Variants in KDM2A observed in about 807,000 individuals in gnomAD.
The protein encoded by KDM2A is lysine-specific demethylase 2A.
Under a neutral mutation model 137.3 loss-of-function variants are expected in KDM2A, and 3 were observed. The observed-to-expected ratio is 0.02, with a 90% CI of 0.01 to 0.06. The LOEUF (loss-of-function observed/expected upper bound fraction) is 0.06, where lower values mean the gene tolerates loss of function less well. Ranked by LOEUF, KDM2A falls within the 10% of genes least tolerant of loss-of-function variation. The probability of loss-of-function intolerance (pLI) is 1.00; values close to 1 mark genes in which losing one functional copy is unlikely to be tolerated. For synonymous variants in KDM2A, 512 were observed against 541.5 expected (o/e 0.95, Z 0.76); for missense variants, 738 against 1,510.6 (o/e 0.49, Z 8.48).
chr11:67,164,696 C>T (rs1459351772), intron 2 of KDM2A, among the ~76,000 whole-genome samples: 6 of 151,920 alleles, frequency 3.9e-5, no homozygotes, highest in African/African-American at 1.2e-4. Context: ...TCTCGGCTCA[C>T]GGCAACCTCC....
Position 67,250,875 on chromosome 11 carries a change from A to G in KDM2A, c.2768+77A>G, listed in dbSNP as rs951970625. 48 of 1,108,008 alleles carry G rather than the reference A, an allele frequency of 4.3e-5. No individual in the cohort carries two copies. In the East Asian group the frequency reaches 8.6e-4, roughly 20 times the overall value. The allele number at this position is 1,108,008 out of a possible 1,614,324, so 68.6% of individuals were successfully genotyped here. A position where few individuals can be genotyped will look rare whatever the true frequency, so the allele number is the denominator to read the frequency against. ...GGTTTTCCATATGAGAACAGCATGC[A>G]CCTTGGCATCTGAAAGCCTGTGGGG... is the stretch of plus-strand genomic sequence containing the variant. On this transcript the variant is annotated intron_variant, in intron 17 of 20. Transcript: ENST00000529006. The surrounding 1 kb of genome is among the most constrained non-coding windows in gnomAD (Gnocchi z 7.1).
At chr11:67,218,327 C>G (rs1858232448) in intron 9 of KDM2A, among the ~76,000 whole-genome samples, 1 of 152,148 alleles carries the variant, frequency 6.6e-6, no homozygotes. Flanking sequence ...GAGTCACAGA[C>G]CTCTATTAGG....
chr11:67,133,226 G>A (rs1327160755), intron 2 of KDM2A, among the ~76,000 whole-genome samples: 3 of 151,906 alleles, frequency 2.0e-5, no homozygotes, highest in African/African-American at 4.8e-5. Context: ...CAGCCTCCCA[G>A]GTAGCTGGGA....
At chr11:67,186,624 A>G (rs1264727184) in intron 5 of KDM2A, among the ~76,000 whole-genome samples, 2 of 152,246 alleles carry the variant, frequency 1.3e-5, no homozygotes, top group African/African-American at 4.8e-5. Flanking sequence ...TATCTTAACA[A>G]TGGCTTTTAA....
chr11:67,122,149 G>A (rs938508138), intron 2 of KDM2A, among the ~76,000 whole-genome samples: 1 of 152,142 alleles, frequency 6.6e-6, no homozygotes, highest in African/African-American at 2.4e-5. Context: ...TGAGGAAAGC[G>A]ACAGAATTGT....
rs61889550 is a variant in KDM2A at position 67,245,881 on chromosome 11, G to A, written c.1834-104G>A. The A allele has an allele frequency of 1.5e-6, 2 of 1,359,990 alleles. No individual in the cohort carries two copies. Among genetic ancestry groups the A allele is most frequent in the Admixed American group, 2.1e-5 (1 of 48,076 alleles). The allele number at this position is 1,359,990 out of a possible 1,614,324, so 84.2% of individuals were successfully genotyped here. A position where few individuals can be genotyped will look rare whatever the true frequency, so the allele number is the denominator to read the frequency against. On this transcript the variant is annotated intron_variant, in intron 14 of 20. Transcript: ENST00000529006. This position sits in a 1 kb window ranked among gnomAD's most constrained non-coding sequence, Gnocchi z 4.1. ...CTGCCTCCATGCTTCCAGGTGTTTA[G>A]TAGAGAATTATAGGACCCAAATCTC...
In KDM2A at chr11:67,217,754, A is replaced by G. The variant is rs753835308; in HGVS notation, c.711A>G (p.Thr237=). Residue 237 remains threonine (T), a synonymous_variant, in exon 9 of 21, where the codon ACA becomes ACG. Coordinates refer to ENST00000529006, the MANE Select transcript of KDM2A (RefSeq NM_012308.3). The part of the protein sequence containing the change: ...GGKVFWLIPP[T]AHNLELYENW... Reference sequence around the variant, plus strand: ...AGGTCTTCTGGCTCATCCCCCCTACAGCCCACAACCTGGAGCTGTACGAGA... The same window carrying G: ...AGGTCTTCTGGCTCATCCCCCCTACGGCCCACAACCTGGAGCTGTACGAGA... The G allele has an allele frequency of 6.2e-7, 1 of 1,613,720 alleles. No individual in the cohort carries two copies. The highest frequency in any genetic ancestry group is 1.7e-5 in the Admixed American group (1 of 59,950).
At chr11:67,126,733 T>C (rs1242011615) in intron 2 of KDM2A, among the ~76,000 whole-genome samples, 2 of 151,952 alleles carry the variant, frequency 1.3e-5, no homozygotes, top group Non-Finnish European at 2.9e-5. Context: ...AAAAGTATTT[T>C]TTGCCAAGCT....
intron 17 of KDM2A, among the ~76,000 whole-genome samples, chr11:67,251,514 C>T (rs566164684): frequency 1.3e-5 from 2 of 152,318 alleles, no homozygotes; most frequent in African/African-American, 4.8e-5. Context: ...TAGGATATAT[C>T]CTTTTTATCT....
intron 5 of KDM2A, among the ~76,000 whole-genome samples, chr11:67,187,249 A>G (rs952130587): frequency 3.3e-5 from 5 of 152,224 alleles, no homozygotes; most frequent in Admixed American, 1.3e-4. Flanking sequence ...TGAGGAACAA[A>G]GCTATAAGGA....
At chr11:67,199,276 A>C (rs1382576278) in intron 5 of KDM2A, among the ~76,000 whole-genome samples, 1 of 152,196 alleles carries the variant, frequency 6.6e-6, no homozygotes, top group Non-Finnish European at 1.5e-5. Flanking sequence ...CTAATAACAC[A>C]TGGCCTCTTA....
At chr11:67,125,084 A>G (rs1855688871) in intron 2 of KDM2A, among the ~76,000 whole-genome samples, 1 of 151,648 alleles carries the variant, frequency 6.6e-6, no homozygotes, top group South Asian at 2.1e-4. Context: ...GATGGTCTCG[A>G]TCTGCTGACC....
intron 2 of KDM2A, among the ~76,000 whole-genome samples, chr11:67,140,932 T>C (rs566135825): frequency 1.3e-5 from 2 of 152,298 alleles, no homozygotes; most frequent in East Asian, 3.9e-4. Context: ...TAGGTAGAAC[T>C]AGTTTAAAAA....
At chr11:67,186,651 C>G (rs1857213827) in intron 5 of KDM2A, among the ~76,000 whole-genome samples, 1 of 152,114 alleles carries the variant, frequency 6.6e-6, no homozygotes, top group African/African-American at 2.4e-5. Context: ...TTTGTTTTCT[C>G]CATAGTTTAA....
At chr11:67,169,003 T>C (rs1856815740) in intron 2 of KDM2A, among the ~76,000 whole-genome samples, 2 of 137,794 alleles carry the variant, frequency 1.5e-5, no homozygotes, top group South Asian at 5.1e-4. Flanking sequence ...TCGCACAGGC[T>C]GGAGTGTAGT....
chr11:67,255,641 C>A lies in KDM2A; in HGVS notation c.*586C>A. On this transcript the variant is annotated 3_prime_UTR_variant, in exon 21 of 21. Coordinates refer to ENST00000529006, the MANE Select transcript of KDM2A (RefSeq NM_012308.3). Reference sequence around the variant, plus strand: ...TTAACTGTGCTCTCCCTCCTTTCCTCTCCCTTGAGCTTGGTTCTGCCCAGC... The same window carrying A: ...TTAACTGTGCTCTCCCTCCTTTCCTATCCCTTGAGCTTGGTTCTGCCCAGC... 1 of 450,264 alleles carries A rather than the reference C, an allele frequency of 2.2e-6. No individual in the cohort carries two copies. The allele number at this position is 450,264 out of a possible 1,614,324, so 27.9% of individuals were successfully genotyped here.
intron 12 of KDM2A, among the ~76,000 whole-genome samples, chr11:67,239,686 C>A (rs1466975970): frequency 6.6e-6 from 1 of 152,204 alleles, no homozygotes; most frequent in Non-Finnish European, 1.5e-5. Context: ...CTGGCAGTAA[C>A]AGTGGTAACA....
At chr11:67,142,663 C>T (rs903335220) in intron 2 of KDM2A, among the ~76,000 whole-genome samples, 4 of 151,084 alleles carry the variant, frequency 2.6e-5, no homozygotes, top group Non-Finnish European at 5.9e-5. Flanking sequence ...GAGATTGCAC[C>T]ATCGCACTCC....
intron 5 of KDM2A, among the ~76,000 whole-genome samples, chr11:67,190,902 G>T (rs1314120367): frequency 6.6e-6 from 1 of 152,168 alleles, no homozygotes; most frequent in Non-Finnish European, 1.5e-5. Context: ...TAGTTAGTGA[G>T]GAGATTGAGT....
Sources: gnomAD v4.1 joint callset for allele counts (sites outside exome capture counted in the v4.1 genomes callset) on GRCh38, gnomAD v4.1.1 for gene constraint, Gnocchi (gnomAD v3.1) non-coding constraint, MANE v1.5 for transcripts, NCBI Gene and HGNC (gene_info 2026-07-23, HGNC 2026-07-21) for gene names.